Variants in CLASP2 observed in about 807,000 individuals in gnomAD.
CLASP2 encodes CLIP-associating protein 2.
CLASP2 carries 47 observed loss-of-function variants against 194.4 expected under a neutral mutation model. That is an observed-to-expected ratio of 0.24 (90% CI 0.19 to 0.31). The LOEUF is 0.31. Among genes scored for constraint, CLASP2 ranks in the 10% least tolerant of loss-of-function variants. The pLI, the probability that CLASP2 is intolerant of heterozygous loss-of-function variation, is 1.00. For synonymous variants in CLASP2, 619 were observed against 633.5 expected (o/e 0.98, Z 0.34); for missense variants, 1,445 against 1,823.6 (o/e 0.79, Z 3.78).
chr3:33,666,844 T>C (rs756320025), intron 6 of CLASP2, among the ~76,000 whole-genome samples: 2 of 152,214 alleles, frequency 1.3e-5, no homozygotes, highest in Admixed American at 6.5e-5. Flanking sequence ...AGGGTTCCAA[T>C]TGCTCTACAT....
chr3:33,672,158 C>A (rs887878334), intron 6 of CLASP2, among the ~76,000 whole-genome samples: 1 of 152,192 alleles, frequency 6.6e-6, no homozygotes, highest in Non-Finnish European at 1.5e-5. Flanking sequence ...GGTCCCTGAC[C>A]CCTGACCCAT....
chr3:33,696,960 A>T, intron 1 of CLASP2, 27 bp from the exon 2 acceptor site: 1 of 1,290,692 alleles, frequency 7.7e-7, no homozygotes, highest in Non-Finnish European at 1.1e-6. Flanking sequence ...ATTTTAATGA[A>T]TATAAATTAC....
chr3:33,523,505 C>T (rs536893799), intron 34 of CLASP2, among the ~76,000 whole-genome samples: 1 of 152,116 alleles, frequency 6.6e-6, no homozygotes, highest in Non-Finnish European at 1.5e-5. Context: ...AGGTAGTAGG[C>T]TGATATATTC....
At chr3:33,528,381 C>T (rs1460502345) in intron 34 of CLASP2, among the ~76,000 whole-genome samples, 1 of 152,170 alleles carries the variant, frequency 6.6e-6, no homozygotes, top group African/African-American at 2.4e-5. Context: ...TGAAAACTGG[C>T]ACAAGACAAG....
Position 33,519,880 on chromosome 3 carries a change from T to A in CLASP2, c.3788-2706A>T, listed in dbSNP as rs148158139. 1.8e-3 allele frequency among the ~76,000 whole-genome samples: 275 copies of A among 152,326 alleles called. 1 individual carries two copies. The highest frequency in any genetic ancestry group is 6.1e-3 in the African/African-American group (253 of 41,578). On this transcript the variant is annotated intron_variant, in intron 34 of 38. Transcript: ENST00000682230. Reference sequence around the variant, plus strand: ...ACCCAATTTAGATTTCAGTTATAGTTTCCAAAAACGTCTTCCTTTACCAAA... The same window carrying A: ...ACCCAATTTAGATTTCAGTTATAGTATCCAAAAACGTCTTCCTTTACCAAA...
At chr3:33,519,635 G>GA (rs2052391490) in intron 34 of CLASP2, among the ~76,000 whole-genome samples, 1 of 152,090 alleles carries the variant, frequency 6.6e-6, no homozygotes, top group African/African-American at 2.4e-5. Context: ...CATTAAAAAT[G>GA]AAAATAGATA....
chr3:33,585,906 G>C (rs1002561845), intron 21 of CLASP2, among the ~76,000 whole-genome samples: 5 of 152,144 alleles, frequency 3.3e-5, no homozygotes, highest in Non-Finnish European at 5.9e-5. Context: ...AGATTTCTCT[G>C]AATGGTACAG....
intron 3 of CLASP2, among the ~76,000 whole-genome samples, chr3:33,688,945 T>C (rs776151915): frequency 1.2e-4 from 19 of 152,316 alleles, no homozygotes; most frequent in Admixed American, 6.5e-4. Flanking sequence ...CCAATTATTC[T>C]GGGCGTAACA....
chr3:33,643,130 C>G (rs1206714102), intron 8 of CLASP2, among the ~76,000 whole-genome samples: 2 of 151,594 alleles, frequency 1.3e-5, no homozygotes, highest in Non-Finnish European at 3.0e-5. Context: ...CTGATTATAT[C>G]AATATGATTA....
chr3:33,706,336 CTA>C (rs1280126699), intron 1 of CLASP2, among the ~76,000 whole-genome samples: 1 of 152,140 alleles, frequency 6.6e-6, no homozygotes, highest in Non-Finnish European at 1.5e-5. Flanking sequence ...GAGAAAGAAA[CTA>C]GAGTTATTTG....
At chr3:33,636,622 G>A (rs529011935) in intron 8 of CLASP2, among the ~76,000 whole-genome samples, 2 of 152,228 alleles carry the variant, frequency 1.3e-5, no homozygotes, top group African/African-American at 4.8e-5. Flanking sequence ...TATTTATTGC[G>A]ACAGAGTTTC....
intron 29 of CLASP2, chr3:33,558,892 G>A (rs2061370072): frequency 5.5e-6 from 1 of 182,592 alleles, no homozygotes; most frequent in South Asian, 1.1e-4. Context: ...TTTATAGAGT[G>A]AGTTTGCATT....
At chr3:33,672,056 T>G (rs1349798491) in intron 6 of CLASP2, among the ~76,000 whole-genome samples, 1 of 152,122 alleles carries the variant, frequency 6.6e-6, no homozygotes, top group Non-Finnish European at 1.5e-5. Context: ...TCTGCAGACT[T>G]AAATGTCCCT....
chr3:33,558,764 T>A (rs1465360048), intron 29 of CLASP2: 3 of 152,712 alleles, frequency 2.0e-5, no homozygotes, highest in South Asian at 2.0e-4. Context: ...ATTTAAAAAA[T>A]TTTGCTTAGT....
At chr3:33,668,240 A>G (rs1434076772) in intron 6 of CLASP2, among the ~76,000 whole-genome samples, 3 of 152,194 alleles carry the variant, frequency 2.0e-5, no homozygotes, top group Non-Finnish European at 2.9e-5. Flanking sequence ...ACAAAACAAA[A>G]AACTATTTGA....
At position 33,498,798 on chromosome 3, in the gene CLASP2, T is replaced by C. The variant is rs145157243; in HGVS notation, c.4435-81A>G. 4.3e-6 allele frequency: 3 copies of C among 696,066 alleles called. No homozygotes were observed. In the African/African-American group the frequency reaches 5.5e-5, roughly 13 times the overall value. 43.1% of individuals were successfully genotyped at this position (696,066 alleles called of 1,614,324 possible). ...TACTCATTAAAATATTATATACATA[T>C]ATGTGAGCTCTGAAAGATAGATTTT... On this transcript the variant is annotated intron_variant, in intron 38 of 38. Coordinates refer to ENST00000682230, the MANE Select transcript of CLASP2 (RefSeq NM_001365631.1).
intron 25 of CLASP2, 82 bp from the exon 26 acceptor site, chr3:33,570,872 TAA>T (rs67476972): frequency 0.17 from 132,489 of 767,866 alleles, 299 homozygotes; most frequent in East Asian, 0.21. Flanking sequence ...TAATTTTCTT[TAA>T]AAAAAAAAAA....
intron 1 of CLASP2, among the ~76,000 whole-genome samples, chr3:33,702,602 G>A (rs980961620): frequency 6.6e-6 from 1 of 152,010 alleles, no homozygotes; most frequent in Admixed American, 6.5e-5. Flanking sequence ...AAGAATTAGA[G>A]TTTATCAAAA....
chr3:33,698,590 T>C (rs1213001906), intron 1 of CLASP2, among the ~76,000 whole-genome samples: 2 of 152,044 alleles, frequency 1.3e-5, no homozygotes, highest in Non-Finnish European at 2.9e-5. Context: ...CAGAGTTGAG[T>C]AGAAACTTGA....
Sources: gnomAD v4.1 joint callset for allele counts (sites outside exome capture counted in the v4.1 genomes callset) on GRCh38, gnomAD v4.1.1 for gene constraint, MANE v1.5 for transcripts, NCBI Gene and HGNC (gene_info 2026-07-23, HGNC 2026-07-21) for gene names.